Variants in CARS1 observed in about 807,000 individuals in gnomAD.
CARS1 encodes cysteinyl-tRNA synthetase 1.
A neutral mutation model predicts 106.2 loss-of-function variants in CARS1; 48 were observed. The ratio of observed to expected loss-of-function variants is 0.45; its 90% CI spans 0.36 to 0.57. The LOEUF is 0.57. CARS1 is among the 20% of genes least tolerant of loss of function. The pLI is 0.00. For missense variants in CARS1, 968 were observed against 1,057.2 expected, an observed-to-expected ratio of 0.92 and a Z score of 1.17; for synonymous variants, 409 against 403.4, an observed-to-expected ratio of 1.01 and a Z score of -0.17.
At chr11:3,015,446 G>A (rs1043867658) in intron 17 of CARS1, among the ~76,000 whole-genome samples, 1 of 152,248 alleles carries the variant, frequency 6.6e-6, no homozygotes, top group East Asian at 1.9e-4. Flanking sequence ...CAGTATATGT[G>A]ACGAAGTCAT....
At chr11:3,013,668 G>A (rs534014147) in intron 17 of CARS1, among the ~76,000 whole-genome samples, 52 of 152,018 alleles carry the variant, frequency 3.4e-4, no homozygotes, top group African/African-American at 1.2e-3. Flanking sequence ...GGCCAACATA[G>A]TGAAACCCCC....
At chr11:3,015,718 C>G (rs890584897) in intron 17 of CARS1, 63 bp downstream of exon 17, 1 of 1,421,900 alleles carries the variant, frequency 7.0e-7, no homozygotes, top group East Asian at 2.3e-5. Flanking sequence ...TTCAGAGGGA[C>G]ACAGAGGGGT....
rs530851070 is a variant in CARS1, at chr11:3,047,150, G to A, written c.274+603C>T. Among the ~76,000 whole-genome samples the A allele has an allele frequency of 7.9e-5, 12 of 151,958 alleles. No homozygotes were observed. The East Asian group carries it at 2.1e-3, about 27-fold the overall frequency. Reference sequence around the variant, plus strand: ...AAATTAGCCAGGCATGGTGGTGGGCGCCTACAGTCCCAGCTACTCGGGAGG... The same window carrying A: ...AAATTAGCCAGGCATGGTGGTGGGCACCTACAGTCCCAGCTACTCGGGAGG... On this transcript the variant is annotated intron_variant, in intron 2 of 22. Coordinates refer to ENST00000380525, the MANE Select transcript of CARS1 (RefSeq NM_001014437.3).
At chr11:3,009,170 C>T (rs1850203657) in intron 18 of CARS1, 1 of 152,190 alleles carries the variant, frequency 6.6e-6, no homozygotes, top group African/African-American at 2.4e-5. Flanking sequence ...GAAATGTGGG[C>T]TACAAAGATA....
chr11:3,047,353 C>T (rs576084870), intron 2 of CARS1, among the ~76,000 whole-genome samples: 31 of 151,292 alleles, frequency 2.0e-4, no homozygotes, highest in African/African-American at 7.3e-4. Context: ...AGGATAGACA[C>T]GCTACAATCT....
chr11:3,032,001 TCCCTCCCTCCCTCCC>T (rs1292319308), intron 7 of CARS1, among the ~76,000 whole-genome samples: 175 of 13,132 alleles, frequency 0.013, 34 homozygotes, highest in South Asian at 0.056. Context: ...CTTCCTTCCC[TCCCTCCCTCCCTCCC>T]TCCCTCCCTC....
intron 10 of CARS1, among the ~76,000 whole-genome samples, chr11:3,024,991 T>G (rs1031906358): frequency 1.3e-5 from 2 of 152,184 alleles, no homozygotes; most frequent in Non-Finnish European, 2.9e-5. Context: ...TTGGCCTACT[T>G]GATCTGTCAA....
chr11:3,026,889 A>G (rs187267445), intron 9 of CARS1, 92 bp from the exon 10 acceptor site: 266 of 1,450,480 alleles, frequency 1.8e-4, no homozygotes, highest in Non-Finnish European at 2.3e-4. Flanking sequence ...CAGGGCTATA[A>G]AAGTGCGAAA....
chr11:3,056,684 G>A (rs919221724), intron 1 of CARS1, among the ~76,000 whole-genome samples: 5 of 152,182 alleles, frequency 3.3e-5, no homozygotes, highest in Non-Finnish European at 7.3e-5. Flanking sequence ...CCAACCTCAG[G>A]TGCCCTCCGC....
chr11:3,012,287 A>G lies in CARS1; in HGVS notation c.1987-11T>C, dbSNP rs747686793. On this transcript the variant is annotated splice_polypyrimidine_tract_variant and intron_variant, in intron 17 of 22. Coordinates refer to ENST00000380525, the MANE Select transcript of CARS1 (RefSeq NM_001014437.3). ...GACTGTGGCCTCGAGCTGCGGAAAG[A>G]ACAGTTTTGGTTCACTGAGAGCTGC... 6.2e-7 allele frequency: 1 copy of G among 1,613,776 alleles called. No individual in the cohort carries two copies. The highest frequency in any genetic ancestry group is 1.1e-5 in the South Asian group (1 of 91,070).
In CARS1 at chr11:3,020,423, G is replaced by A; in HGVS notation, c.1154-91C>T. The A allele has an allele frequency of 2.7e-6, 2 of 749,190 alleles. No individual in the cohort carries two copies. The highest frequency in any genetic ancestry group is 1.4e-5 in the South Asian group (1 of 69,960). 46.4% of individuals were successfully genotyped at this position (749,190 alleles called of 1,614,324 possible). On this transcript the variant is annotated intron_variant, in intron 10 of 22. Transcript: ENST00000380525. The surrounding 1 kb of genome is among the most constrained non-coding windows in gnomAD (Gnocchi z 4.6). ...CAAGGCCATCCACGGTGCCTAATGGGCAGTCCTTCTGACTAACTTCTGTTT... is the reference window on the plus strand; with the variant it reads ...CAAGGCCATCCACGGTGCCTAATGGACAGTCCTTCTGACTAACTTCTGTTT...
At chr11:3,055,940 G>C (rs1035782258) in intron 1 of CARS1, among the ~76,000 whole-genome samples, 1 of 152,166 alleles carries the variant, frequency 6.6e-6, no homozygotes, top group Admixed American at 6.5e-5. Flanking sequence ...GCCCTTCCAG[G>C]GTGGTTCCAG....
At chr11:3,031,913 CT>C (rs1852816519) in intron 7 of CARS1, among the ~76,000 whole-genome samples, 1 of 151,996 alleles carries the variant, frequency 6.6e-6, no homozygotes, top group Non-Finnish European at 1.5e-5. Context: ...GAAAAATCCC[CT>C]TGTGTTTCCA....
At chr11:3,015,655 C>A (rs770988521) in intron 17 of CARS1, 126 bp downstream of exon 17, 1 of 812,262 alleles carries the variant, frequency 1.2e-6, no homozygotes, top group Non-Finnish European at 2.1e-6. Flanking sequence ...CCATTTAGCT[C>A]GAGGCGCTGT....
intron 17 of CARS1, among the ~76,000 whole-genome samples, chr11:3,012,714 G>A (rs991421271): frequency 3.3e-5 from 5 of 152,122 alleles, no homozygotes; most frequent in African/African-American, 4.8e-5. Context: ...GGCGGCTCCC[G>A]GGCCGTGCTT....
chr11:3,052,816 T>A lies in CARS1; in HGVS notation c.25+4527A>T. On this transcript the variant is annotated intron_variant, in intron 1 of 22. Coordinates refer to ENST00000380525, the MANE Select transcript of CARS1 (RefSeq NM_001014437.3). This position sits in a 1 kb window ranked among gnomAD's most constrained non-coding sequence, Gnocchi z 4.6. Reference sequence around the variant, plus strand: ...GCCAGGCTGTGGATCAGTCTGATGCTGAGATCAGATGAGAACACTTCTGAG... The same window carrying A: ...GCCAGGCTGTGGATCAGTCTGATGCAGAGATCAGATGAGAACACTTCTGAG... 6.6e-6 allele frequency among the ~76,000 whole-genome samples: 1 copy of A among 152,244 alleles called. No homozygotes were observed. The highest frequency in any genetic ancestry group is 1.9e-4 in the East Asian group (1 of 5,208).
chr11:3,056,773 T>A (rs1350346064), intron 1 of CARS1, among the ~76,000 whole-genome samples: 1 of 152,108 alleles, frequency 6.6e-6, no homozygotes, highest in Non-Finnish European at 1.5e-5. Flanking sequence ...AAAGGCCAGC[T>A]GGGGCAAGAG....
At chr11:3,047,038 G>A (rs1224147436) in intron 2 of CARS1, among the ~76,000 whole-genome samples, 1 of 152,146 alleles carries the variant, frequency 6.6e-6, no homozygotes, top group African/African-American at 2.4e-5. Flanking sequence ...AGCACTTTGG[G>A]AGGCCGAGGC....
chr11:3,013,504 G>A (rs1353764472), intron 17 of CARS1, among the ~76,000 whole-genome samples: 1 of 152,148 alleles, frequency 6.6e-6, no homozygotes, highest in Non-Finnish European at 1.5e-5. Context: ...TTTGAGCAAG[G>A]TTGCTCCCTG....
Sources: gnomAD v4.1 joint callset for allele counts (sites outside exome capture counted in the v4.1 genomes callset) on GRCh38, gnomAD v4.1.1 for gene constraint, Gnocchi (gnomAD v3.1) non-coding constraint, MANE v1.5 for transcripts, NCBI Gene and HGNC (gene_info 2026-07-23, HGNC 2026-07-21) for gene names.